Variants in CRAMP1 observed in about 807,000 individuals in gnomAD.
CRAMP1 encodes the protein protein cramped-like.
CRAMP1 carries 50 observed loss-of-function variants against 115.4 expected under a neutral mutation model. That is an observed-to-expected ratio of 0.43 (90% confidence interval 0.35 to 0.55). The LOEUF (loss-of-function observed/expected upper bound fraction) is 0.55. Ranked by LOEUF, CRAMP1 falls within the 20% of genes least tolerant of loss-of-function variation. The pLI is 0.01. For synonymous variants in CRAMP1, 866 were observed against 745.4 expected, an observed-to-expected ratio of 1.16 and a Z score of -2.64; for missense variants, 1,679 against 1,721.7, an observed-to-expected ratio of 0.98 and a Z score of 0.44.
chr16:1,613,913 C>G (rs2036389363), intron 1 of CRAMP1, among the ~76,000 whole-genome samples: 1 of 152,176 alleles, frequency 6.6e-6, no homozygotes, highest in Non-Finnish European at 1.5e-5. Flanking sequence ...AGACCCGGAG[C>G]TGATTATTCT....
intron 10 of CRAMP1, among the ~76,000 whole-genome samples, chr16:1,657,747 G>T (rs1393579287): frequency 1.3e-5 from 2 of 152,176 alleles, no homozygotes; most frequent in Non-Finnish European, 2.9e-5. Flanking sequence ...GCTGCCAGGA[G>T]TAATCCTACC....
intron 2 of CRAMP1, among the ~76,000 whole-genome samples, chr16:1,615,776 ACT>A (rs529191540): frequency 1.8e-4 from 27 of 152,226 alleles, no homozygotes; most frequent in Middle Eastern, 3.4e-3. Context: ...CAGGTGAATG[ACT>A]CTGATTCTTT....
Position 1,665,284 on chromosome 16 carries a change from T to C in CRAMP1, c.2752+146T>C. On this transcript the variant is annotated intron_variant, in intron 14 of 20. Transcript: ENST00000397412. ...ACCGACAAATACCTAATGTGCCCTA[T>C]GTGCTGGGCTGCAGGCTGCGGTGGC... 4.5e-6 allele frequency: 3 copies of C among 661,870 alleles called. No homozygotes were observed. The South Asian group carries it at 5.2e-5, about 12-fold the overall frequency. The allele number at this position is 661,870 out of a possible 1,614,324, so 41.0% of individuals were successfully genotyped here.
rs79245610 is a variant in CRAMP1 at position 1,657,014 on chromosome 16, C to A, written c.2235+22C>A. 0.013 allele frequency: 19,648 copies of A among 1,481,688 alleles called. 1,477 individuals carry two copies. In the Admixed American group the frequency reaches 0.2, roughly 15 times the overall value. The allele number at this position is 1,481,688 out of a possible 1,614,324, so 91.8% of individuals were successfully genotyped here. A position where few individuals can be genotyped will look rare whatever the true frequency, so the allele number is the denominator to read the frequency against. ...GCTGGTGAGTGGGTTGGAGCCCAGC[C>A]CCTCTGGCGGCCCAAGGGAAGCCAG... is the stretch of plus-strand genomic sequence containing the variant. On this transcript the variant is annotated intron_variant, in intron 10 of 20. Transcript: ENST00000397412.
At chr16:1,615,074 C>T (rs929126024) in intron 2 of CRAMP1, 89 bp downstream of exon 2, 2 of 744,220 alleles carry the variant, frequency 2.7e-6, no homozygotes, top group Non-Finnish European at 3.7e-6. Context: ...CCGGGCTCCA[C>T]CCTAGCTCAC....
intron 2 of CRAMP1, among the ~76,000 whole-genome samples, chr16:1,616,314 T>A (rs1421808895): frequency 6.6e-6 from 1 of 152,192 alleles, no homozygotes; most frequent in East Asian, 1.9e-4. Context: ...GCCCTGGACC[T>A]TGAATCCAGC....
At chr16:1,668,736 C>A (rs1297748123) in intron 18 of CRAMP1, among the ~76,000 whole-genome samples, 1 of 152,198 alleles carries the variant, frequency 6.6e-6, no homozygotes, top group East Asian at 1.9e-4. Context: ...TAAGGTACAG[C>A]TCCTAGGGCT....
At position 1,668,096 on chromosome 16, in the gene CRAMP1, C is replaced by A. The variant is rs757232813; in HGVS notation, c.3237C>A (p.Ser1079=). 1 of 1,613,802 alleles carries A rather than the reference C, an allele frequency of 6.2e-7. No individual in the cohort carries two copies. The highest frequency in any genetic ancestry group is 8.5e-7 in the Non-Finnish European group (1 of 1,179,892). Residue 1079 remains serine (S), a synonymous_variant, in exon 18 of 21, where the codon TCC becomes TCA. Transcript: ENST00000397412. ...ACGTCTCTGCTCTGCTCGACATCTC[C>A]CTGCCCGGCCCACCTGAGGATGCGC... ...PPDVSALLDI[S]LPGPPEDALS...
intron 20 of CRAMP1, among the ~76,000 whole-genome samples, 175 bp from the exon 21 acceptor site, chr16:1,673,706 G>T (rs993235925): frequency 2.6e-5 from 4 of 152,242 alleles, no homozygotes; most frequent in Non-Finnish European, 2.9e-5. Flanking sequence ...TCTAAAGAGT[G>T]TGCGGGCAGA....
At chr16:1,659,549 G>A (rs560926235) in intron 10 of CRAMP1, among the ~76,000 whole-genome samples, 172 of 152,086 alleles carry the variant, frequency 1.1e-3, no homozygotes, top group South Asian at 0.011. Context: ...CACCACACCC[G>A]GCTAATTTTT....
At chr16:1,651,547 T>C (rs1276982966) in intron 6 of CRAMP1, among the ~76,000 whole-genome samples, 17 of 133,708 alleles carry the variant, frequency 1.3e-4, no homozygotes, top group African/African-American at 4.9e-4. Context: ...ACACAGGTCA[T>C]TTAGAGGTGG....
At chr16:1,630,789 G>A (rs948510652) in intron 3 of CRAMP1, among the ~76,000 whole-genome samples, 4 of 152,208 alleles carry the variant, frequency 2.6e-5, no homozygotes, top group Non-Finnish European at 5.9e-5. Context: ...TTGGTTTGTA[G>A]AATGTCCCTT....
chr16:1,625,889 G>A, intron 2 of CRAMP1, 84 bp from the exon 3 acceptor site: 1 of 1,362,168 alleles, frequency 7.3e-7, no homozygotes, highest in South Asian at 1.3e-5. Context: ...CAGGGCAGTG[G>A]GCCCTTCCCT....
intron 5 of CRAMP1, 30 bp downstream of exon 5, chr16:1,637,937 G>T (rs199980112): frequency 8.3e-7 from 1 of 1,200,594 alleles, no homozygotes; most frequent in South Asian, 1.7e-5. Context: ...GGTTGCCCAC[G>T]GCTCCTCCTG....
chr16:1,663,930 G>T (rs966654804), intron 13 of CRAMP1, among the ~76,000 whole-genome samples: 1 of 152,154 alleles, frequency 6.6e-6, no homozygotes, highest in African/African-American at 2.4e-5. Context: ...CAGGTATATG[G>T]CCCCAAAACC....
intron 11 of CRAMP1, among the ~76,000 whole-genome samples, chr16:1,660,676 T>G (rs912374889): frequency 2.6e-5 from 4 of 152,214 alleles, no homozygotes; most frequent in African/African-American, 9.6e-5. Flanking sequence ...AAGCAGAGAT[T>G]ATCATGGTTA....
intron 20 of CRAMP1, 30 bp from the exon 21 acceptor site, chr16:1,673,851 A>T: frequency 1.9e-6 from 3 of 1,612,066 alleles, no homozygotes; most frequent in Non-Finnish European, 2.5e-6. Flanking sequence ...GGTCGCGGTG[A>T]CTTGTTCTTC....
Position 1,669,163 on chromosome 16 carries a change from T to C in CRAMP1, c.3497T>C (p.Phe1166Ser). 1 of 1,597,974 alleles carries C rather than the reference T, an allele frequency of 6.3e-7. No homozygotes were observed. Among genetic ancestry groups the C allele is most frequent in the Non-Finnish European group, 8.5e-7 (1 of 1,171,412 alleles). ...ACCGACTCCTCGCTCAGCAGCCTGT[T>C]TGGTGAGTGTATGGGGAGGGCTCCC... ...DSTDSSLSSLFASFISPEKSR... is the reference protein window; with the variant it reads ...DSTDSSLSSLSASFISPEKSR... The change falls in exon 19 of 21, where the codon TTT (phenylalanine) becomes TCT (serine). Residue 1166 changes from phenylalanine to serine, a missense_variant and splice_region_variant. Physicochemically the swap from Phe to Ser is radical, Grantham distance 155 (BLOSUM62 -2). Transcript: ENST00000397412. The surrounding 1 kb of genome is among the most constrained non-coding windows in gnomAD (Gnocchi z 4.6).
rs1031175845 is a variant in CRAMP1 at position 1,675,157 on chromosome 16, G to C, written c.*1112G>C. 3 of 152,248 alleles carry C rather than the reference G, an allele frequency of 2.0e-5. No homozygotes were observed. Among genetic ancestry groups the C allele is most frequent in the African/African-American group, 7.2e-5 (3 of 41,420 alleles). The allele number at this position is 152,248 out of a possible 1,614,324, so 9.4% of individuals were successfully genotyped here. A position where few individuals can be genotyped will look rare whatever the true frequency, so the allele number is the denominator to read the frequency against. ...GACCTCACCAAATATATGCCTTCGT[G>C]GTGGTCTCCCTCCTTGCGCCCTCTT... is the stretch of plus-strand genomic sequence containing the variant. On this transcript the variant is annotated 3_prime_UTR_variant, in exon 21 of 21. Coordinates refer to ENST00000397412, the MANE Select transcript of CRAMP1 (RefSeq NM_020825.4).
Sources: allele counts gnomAD v4.1 joint callset (sites outside exome capture counted in the v4.1 genomes callset), GRCh38; gene constraint gnomAD v4.1.1; non-coding constraint Gnocchi (gnomAD v3.1); transcripts MANE v1.5; gene names NCBI Gene and HGNC (gene_info 2026-07-23, HGNC 2026-07-21).